CNOT1: variants seen among roughly 807,000 people sequenced by gnomAD.
CNOT1 encodes the protein CCR4-NOT transcription complex subunit 1.
Under a neutral mutation model 273.8 loss-of-function variants are expected in CNOT1, and 15 were observed. The ratio of observed to expected loss-of-function variants is 0.05; its 90% CI spans 0.04 to 0.08. CNOT1 has a LOEUF of 0.08. CNOT1 is among the 10% of genes least tolerant of loss of function. The pLI, the probability that CNOT1 is intolerant of heterozygous loss-of-function variation, is 1.00. For synonymous variants in CNOT1, 1,022 were observed against 1,005.5 expected (o/e 1.02, Z -0.31); for missense variants, 1,644 against 2,912.2 (o/e 0.56, Z 10.02).
intron 1 of CNOT1, among the ~76,000 whole-genome samples, chr16:58,621,519 C>T (rs1282824125): frequency 6.6e-5 from 10 of 151,328 alleles, no homozygotes; most frequent in African/African-American, 9.7e-5. Context: ...GTGATCCGCC[C>T]GCCTCGGCCT....
intron 46 of CNOT1, among the ~76,000 whole-genome samples, chr16:58,524,179 G>A (rs987545868): frequency 6.6e-6 from 1 of 151,682 alleles, no homozygotes; most frequent in Non-Finnish European, 1.5e-5. Flanking sequence ...GAACCCCTGA[G>A]GCGGAAGTTA....
At chr16:58,522,180 G>A (rs1040244821) in intron 47 of CNOT1, among the ~76,000 whole-genome samples, 6 of 144,236 alleles carry the variant, frequency 4.2e-5, no homozygotes, top group East Asian at 4.1e-4. Context: ...TTAGCCGGAC[G>A]TGGTGGCAGG....
intron 31 of CNOT1, 110 bp downstream of exon 31, chr16:58,543,496 AT>A (rs1567396039): frequency 6.5e-7 from 1 of 1,546,204 alleles, no homozygotes; most frequent in Non-Finnish European, 8.7e-7. Context: ...AAATATGGTG[AT>A]TATTAAGAAT....
intron 1 of CNOT1, among the ~76,000 whole-genome samples, chr16:58,606,528 C>T (rs982450027): frequency 2.6e-5 from 4 of 152,104 alleles, no homozygotes; most frequent in Admixed American, 6.6e-5. Context: ...TCAGGCCAGG[C>T]GCACCGGCTC....
At chr16:58,590,138 A>T (rs1057352805) in intron 2 of CNOT1, among the ~76,000 whole-genome samples, 5 of 152,200 alleles carry the variant, frequency 3.3e-5, no homozygotes, top group African/African-American at 1.2e-4. Context: ...AGAGCCACAT[A>T]CTACCTACAC....
Position 58,528,418 on chromosome 16 carries a change from A to G in CNOT1, c.6453+57T>C. The G allele has an allele frequency of 2.4e-6, 3 of 1,254,738 alleles. No homozygotes were observed. In the South Asian group the frequency reaches 3.7e-5, roughly 15 times the overall value. The allele number at this position is 1,254,738 out of a possible 1,614,324, so 77.7% of individuals were successfully genotyped here. A position where few individuals can be genotyped will look rare whatever the true frequency, so the allele number is the denominator to read the frequency against. On this transcript the variant is annotated intron_variant, in intron 44 of 48. Transcript: ENST00000317147. ...GAAAGTGCTGAACAGTCTACTTATCAGAGAAAGGACTGAAATATTAAGACA... is the reference window on the plus strand; with the variant it reads ...GAAAGTGCTGAACAGTCTACTTATCGGAGAAAGGACTGAAATATTAAGACA...
At chr16:58,600,559 A>G (rs1165792165) in intron 1 of CNOT1, among the ~76,000 whole-genome samples, 3 of 152,088 alleles carry the variant, frequency 2.0e-5, no homozygotes, top group African/African-American at 7.2e-5. Context: ...TATTCACTTT[A>G]TTCTTTATGT....
At chr16:58,621,910 C>CAAAAAAA (rs58087048) in intron 1 of CNOT1, among the ~76,000 whole-genome samples, 1 of 85,350 alleles carries the variant, frequency 1.2e-5, no homozygotes, top group African/African-American at 4.6e-5. Context: ...GACTCCGTCT[C>CAAAAAAA]AAAAAAAAAA....
At chr16:58,566,112 G>T (rs917554021) in intron 16 of CNOT1, among the ~76,000 whole-genome samples, 1 of 152,144 alleles carries the variant, frequency 6.6e-6, no homozygotes, top group Non-Finnish European at 1.5e-5. Flanking sequence ...TGATCACTTT[G>T]ATCAGTAGAC....
chr16:58,567,253 C>T (rs1398582149), intron 16 of CNOT1, among the ~76,000 whole-genome samples: 1 of 152,064 alleles, frequency 6.6e-6, no homozygotes, highest in East Asian at 1.9e-4. Context: ...ACTGCTTGAG[C>T]CCACGAGTGA....
chr16:58,584,873 G>A (rs2151979286), intron 8 of CNOT1, among the ~76,000 whole-genome samples: 1 of 152,224 alleles, frequency 6.6e-6, no homozygotes, highest in South Asian at 2.1e-4. Context: ...TACTAACAGT[G>A]TGAAACAATA....
At chr16:58,571,533 C>G (rs189441464) in intron 16 of CNOT1, among the ~76,000 whole-genome samples, 1 of 152,106 alleles carries the variant, frequency 6.6e-6, no homozygotes, top group African/African-American at 2.4e-5. Flanking sequence ...ACACTCCAGC[C>G]TGGGTGACAC....
intron 1 of CNOT1, among the ~76,000 whole-genome samples, chr16:58,604,827 T>A (rs1567439474): frequency 5.0e-4 from 24 of 47,712 alleles, no homozygotes; most frequent in African/African-American, 8.5e-4. Context: ...AAAAAAAAAA[T>A]TAAAAAAAAA....
At position 58,547,496 on chromosome 16, in the gene CNOT1, C is replaced by A. The variant is rs1403421965; in HGVS notation, c.3639+70G>T. On this transcript the variant is annotated intron_variant, in intron 26 of 48. Transcript: ENST00000317147. This position sits in a 1 kb window ranked among gnomAD's most constrained non-coding sequence, Gnocchi z 4.0. ...AACCCCAATAATCATTAAATAGCTCCAAACAGCCAATACTTGTAATCATAA... is the reference window on the plus strand; with the variant it reads ...AACCCCAATAATCATTAAATAGCTCAAAACAGCCAATACTTGTAATCATAA... 1.1e-5 allele frequency: 17 copies of A among 1,544,932 alleles called. No homozygotes were observed. The Admixed American group carries it at 2.4e-4, about 22-fold the overall frequency.
chr16:58,566,195 T>G (rs969452440), intron 16 of CNOT1, among the ~76,000 whole-genome samples: 2 of 152,214 alleles, frequency 1.3e-5, no homozygotes, highest in African/African-American at 2.4e-5. Flanking sequence ...TGTGGAGAGA[T>G]ATTTTCAAAC....
chr16:58,558,250 T>C (rs534266716), intron 18 of CNOT1, among the ~76,000 whole-genome samples: 2 of 152,322 alleles, frequency 1.3e-5, no homozygotes, highest in South Asian at 4.1e-4. Flanking sequence ...ACTAAATAAT[T>C]CAACTAACTT....
intron 1 of CNOT1, chr16:58,623,498 G>A (rs1434073905): frequency 6.6e-6 from 1 of 152,152 alleles, no homozygotes; most frequent in African/African-American, 2.4e-5. Flanking sequence ...AAGGGTTAAG[G>A]TGACCACCAA....
chr16:58,596,317 A>G (rs1280899589), intron 2 of CNOT1, among the ~76,000 whole-genome samples: 1 of 152,136 alleles, frequency 6.6e-6, no homozygotes, highest in Non-Finnish European at 1.5e-5. Context: ...GGTTCTCGGC[A>G]TATGCTCCAT....
At chr16:58,540,054 C>T in intron 34 of CNOT1, 95 bp from the exon 35 acceptor site, 1 of 1,247,416 alleles carries the variant, frequency 8.0e-7, no homozygotes, top group Non-Finnish European at 1.1e-6. Context: ...AGTATGTTTA[C>T]TCCCTTTTTC....
Sources: gnomAD v4.1 joint callset for allele counts (sites outside exome capture counted in the v4.1 genomes callset) on GRCh38, gnomAD v4.1.1 for gene constraint, Gnocchi (gnomAD v3.1) non-coding constraint, MANE v1.5 for transcripts, NCBI Gene and HGNC (gene_info 2026-07-23, HGNC 2026-07-21) for gene names.